TMEM108: variants seen among roughly 807,000 people sequenced by gnomAD.
TMEM108 encodes the protein transmembrane protein 108, also known as cancer/testis antigen 124.
A neutral mutation model predicts 35.1 loss-of-function variants in TMEM108; 12 were observed. The ratio of observed to expected loss-of-function variants is 0.34; its 90% CI spans 0.22 to 0.55. TMEM108 has a LOEUF of 0.55. Ranked by LOEUF, TMEM108 falls within the 20% of genes least tolerant of loss-of-function variation. The probability of loss-of-function intolerance (pLI) is 0.89; values close to 1 mark genes in which losing one functional copy is unlikely to be tolerated. For synonymous variants in TMEM108, 287 were observed against 308.6 expected (o/e 0.93, Z 0.73); for missense variants, 680 against 753.3 (o/e 0.90, Z 1.14).
intron 2 of TMEM108, among the ~76,000 whole-genome samples, chr3:133,178,999 A>G (rs1945285936): frequency 6.6e-6 from 1 of 152,264 alleles, no homozygotes; most frequent in African/African-American, 2.4e-5. Flanking sequence ...GGCGAAAGAT[A>G]TGAACAGACA....
chr3:133,371,972 G>T (rs1397463902), intron 3 of TMEM108, among the ~76,000 whole-genome samples: 4 of 152,170 alleles, frequency 2.6e-5, no homozygotes, highest in Admixed American at 6.5e-5. Context: ...AAGCTTATAG[G>T]TTATAAGCAC....
intron 2 of TMEM108, among the ~76,000 whole-genome samples, chr3:133,142,347 G>C (rs1391948323): frequency 6.6e-6 from 1 of 152,184 alleles, no homozygotes. Context: ...CGGACAGGAA[G>C]GGTGCTGAGG....
chr3:133,204,845 C>A (rs1945727572), intron 2 of TMEM108, among the ~76,000 whole-genome samples: 1 of 152,120 alleles, frequency 6.6e-6, no homozygotes, highest in East Asian at 1.9e-4. Flanking sequence ...AGTTCAAGTC[C>A]TGAATATCCT....
rs568628773 is a variant in TMEM108, at chr3:133,283,887, A to G, written c.40+54536A>G. 1.2e-4 allele frequency among the ~76,000 whole-genome samples: 18 copies of G among 152,352 alleles called. No homozygotes were observed. The South Asian group carries it at 3.7e-3, about 32-fold the overall frequency. On this transcript the variant is annotated intron_variant, in intron 3 of 5. Coordinates refer to ENST00000321871, the MANE Select transcript of TMEM108 (RefSeq NM_023943.4). ...GATACTCAGAAAACTCAGCAATAGC[A>G]TTTCTGAACCAAGAGATGTAAGAGG...
At chr3:133,108,290 G>A (rs918801120) in intron 2 of TMEM108, among the ~76,000 whole-genome samples, 1 of 151,996 alleles carries the variant, frequency 6.6e-6, no homozygotes, top group Non-Finnish European at 1.5e-5. Flanking sequence ...GTTTTTTCCT[G>A]ACTTTTTAAT....
intron 3 of TMEM108, among the ~76,000 whole-genome samples, chr3:133,235,025 C>G (rs1345358126): frequency 6.6e-6 from 1 of 152,048 alleles, no homozygotes; most frequent in Middle Eastern, 3.4e-3. Context: ...GAATAAAATA[C>G]CTAGGAATCC....
At chr3:133,374,445 A>G (rs1485182757) in intron 3 of TMEM108, among the ~76,000 whole-genome samples, 3 of 151,960 alleles carry the variant, frequency 2.0e-5, no homozygotes, top group African/African-American at 7.3e-5. Flanking sequence ...ATAAAATTCT[A>G]TTTTTATGAA....
At chr3:133,043,140 T>C (rs966260687) in intron 1 of TMEM108, among the ~76,000 whole-genome samples, 2 of 152,236 alleles carry the variant, frequency 1.3e-5, no homozygotes, top group African/African-American at 4.8e-5. Context: ...CTCAATCAGA[T>C]GTTCTTAAGT....
chr3:133,262,048 C>T (rs1456635235), intron 3 of TMEM108, among the ~76,000 whole-genome samples: 2 of 152,200 alleles, frequency 1.3e-5, no homozygotes, highest in Non-Finnish European at 2.9e-5. Flanking sequence ...CCCTGCCCTT[C>T]ATAACTACAT....
At chr3:133,201,619 A>G (rs1196183265) in intron 2 of TMEM108, among the ~76,000 whole-genome samples, 8 of 152,178 alleles carry the variant, frequency 5.3e-5, no homozygotes. Context: ...ATCCCTGTGA[A>G]GGACATGAAC....
rs1332006795 is a variant in TMEM108 at position 133,380,554 on chromosome 3, C to T, written c.843C>T (p.Arg281=). The part of the protein sequence containing the change: ...LGPAKDKPGL[R]RAAQGGGSTF... ...CTGCAAAGGACAAGCCAGGCCTTCG[C>T]AGAGCAGCCCAGGGGGGTGGTTCTA... Residue 281 remains arginine (R), a synonymous_variant, in exon 4 of 6, where the codon CGC becomes CGT. Coordinates refer to ENST00000321871, the MANE Select transcript of TMEM108 (RefSeq NM_023943.4). The surrounding 1 kb of genome is among the most constrained non-coding windows in gnomAD (Gnocchi z 5.3). 1 of 1,613,946 alleles carries T rather than the reference C, an allele frequency of 6.2e-7. No individual in the cohort carries two copies. Among genetic ancestry groups the T allele is most frequent in the African/African-American group, 1.3e-5 (1 of 75,042 alleles).
rs1335973324 is a variant in TMEM108, at chr3:133,380,888, T to G, written c.1177T>G (p.Ser393Ala). ...PQAPTHPSRV[S>A]ESTISGAKEE... Reference sequence around the variant, plus strand: ...AGCTCCAACCCATCCCTCCAGGGTCTCAGAAAGCACTATTTCTGGAGCCAA... The same window carrying G: ...AGCTCCAACCCATCCCTCCAGGGTCGCAGAAAGCACTATTTCTGGAGCCAA... Residue 393 changes from serine (S) to alanine (A), a missense_variant, in exon 4 of 6, where the codon TCA (serine) becomes GCA (alanine). By Grantham distance (99) the Ser-to-Ala change is moderately conservative. Around this residue, in one of 3 missense-constraint regions of TMEM108, gnomAD observed 526 missense variants for 532.1 expected, o/e 0.99. Transcript: ENST00000321871. The surrounding 1 kb of genome is among the most constrained non-coding windows in gnomAD (Gnocchi z 5.3). 8 of 1,614,010 alleles carry G rather than the reference T, an allele frequency of 5.0e-6. No homozygotes were observed. The highest frequency in any genetic ancestry group is 1.6e-4 in the Middle Eastern group (1 of 6,084).
chr3:133,109,172 T>G (rs1944196090), intron 2 of TMEM108, among the ~76,000 whole-genome samples: 1 of 152,016 alleles, frequency 6.6e-6, no homozygotes, highest in Admixed American at 6.6e-5. Context: ...CTCACTGTGC[T>G]CCTAACTAGC....
intron 5 of TMEM108, among the ~76,000 whole-genome samples, chr3:133,392,969 G>C (rs1222752790): frequency 6.6e-6 from 1 of 152,124 alleles, no homozygotes; most frequent in Non-Finnish European, 1.5e-5. Flanking sequence ...CTTTCAAGTG[G>C]CTCTTCTCTA....
At chr3:133,322,627 C>T (rs1317923849) in intron 3 of TMEM108, among the ~76,000 whole-genome samples, 1 of 152,028 alleles carries the variant, frequency 6.6e-6, no homozygotes, top group East Asian at 1.9e-4. Context: ...GAAACTATTC[C>T]AAAAGATAGA....
chr3:133,187,796 G>A (rs1208131703), intron 2 of TMEM108, among the ~76,000 whole-genome samples: 1 of 148,344 alleles, frequency 6.7e-6, no homozygotes, highest in African/African-American at 2.5e-5. Context: ...AGGACAACAT[G>A]ACTGGTTTCC....
rs201344391 is a variant in TMEM108 at position 133,148,467 on chromosome 3, T to TA, written c.-46-80790dup. On this transcript the variant is annotated intron_variant, in intron 2 of 5. Coordinates refer to ENST00000321871, the MANE Select transcript of TMEM108 (RefSeq NM_023943.4). The stretch of plus-strand genomic sequence containing the variant: ...CATTTCTAGGAGCATTAATTAATAA[T>TA]AAAAAAAAATCTTCCATGAGGATAT... Among the ~76,000 whole-genome samples the TA allele has an allele frequency of 9.9e-3, 1,507 of 151,584 alleles. 21 individuals are homozygous for TA. Among genetic ancestry groups the TA allele is most frequent in the African/African-American group, 0.034 (1,411 of 41,322 alleles).
At chr3:133,271,732 A>C (rs1946773818) in intron 3 of TMEM108, among the ~76,000 whole-genome samples, 1 of 152,120 alleles carries the variant, frequency 6.6e-6, no homozygotes, top group Non-Finnish European at 1.5e-5. Flanking sequence ...CTACATTTAC[A>C]AACTGTCATG....
At chr3:133,146,927 A>AT (rs1437178754) in intron 2 of TMEM108, among the ~76,000 whole-genome samples, 6 of 151,998 alleles carry the variant, frequency 3.9e-5, no homozygotes, top group Admixed American at 2.6e-4. Context: ...GGATTCATTG[A>AT]TTTTTTGAAG....
Sources: allele counts gnomAD v4.1 joint callset (sites outside exome capture counted in the v4.1 genomes callset), GRCh38; gene constraint gnomAD v4.1.1; regional missense constraint gnomAD v4.1.1; non-coding constraint Gnocchi (gnomAD v3.1); transcripts MANE v1.5; gene names NCBI Gene and HGNC (gene_info 2026-07-23, HGNC 2026-07-21).